Variants in ANKS1B observed in about 807,000 individuals in gnomAD.
ANKS1B encodes ankyrin repeat and sterile alpha motif domain containing 1B, also known as ankyrin repeat and sterile alpha motif domain-containing protein 1B.
In ANKS1B, 36 loss-of-function variants were observed where a neutral mutation model predicts 148.3. The observed-to-expected ratio is 0.24, with a 90% confidence interval of 0.19 to 0.32. The LOEUF (loss-of-function observed/expected upper bound fraction) is 0.32. Ranked by LOEUF, ANKS1B falls within the 10% of genes least tolerant of loss-of-function variation. The pLI is 1.00. For missense variants in ANKS1B, 1,157 were observed against 1,542.6 expected, an observed-to-expected ratio of 0.75 and a Z score of 4.19; for synonymous variants, 542 against 560.8, an observed-to-expected ratio of 0.97 and a Z score of 0.47.
intron 17 of ANKS1B, among the ~76,000 whole-genome samples, chr12:98,971,325 C>G (rs1340412560): frequency 2.0e-5 from 3 of 152,064 alleles, no homozygotes; most frequent in Admixed American, 6.6e-5. Context: ...TTTGTTAAAG[C>G]AACAACAAAA....
chr12:99,704,687 T>C lies in ANKS1B; in HGVS notation c.1129-49477A>G, dbSNP rs1021015318. ...CAAAATGAGGCTCTCCAGCTTAATA[T>C]TGGCATTCCCAAGCCAGGTCAAGAA... On this transcript the variant is annotated intron_variant, in intron 8 of 26. Transcript: ENST00000683438. Among the ~76,000 whole-genome samples, 7 of 152,126 alleles carry C rather than the reference T, an allele frequency of 4.6e-5. No homozygotes were observed. In the South Asian group the frequency reaches 8.3e-4, roughly 18 times the overall value.
chr12:99,177,714 G>T (rs1422303883), intron 14 of ANKS1B, among the ~76,000 whole-genome samples: 2 of 152,174 alleles, frequency 1.3e-5, no homozygotes, highest in Non-Finnish European at 2.9e-5. Context: ...GGGCAATAAT[G>T]GCAATAATGC....
chr12:98,955,803 T>C (rs1358812336), intron 17 of ANKS1B, among the ~76,000 whole-genome samples: 1 of 152,206 alleles, frequency 6.6e-6, no homozygotes, highest in Non-Finnish European at 1.5e-5. Flanking sequence ...GGAACTTAGC[T>C]TTGGCAATGT....
chr12:99,972,231 C>T (rs906936034), intron 1 of ANKS1B, among the ~76,000 whole-genome samples: 5 of 152,100 alleles, frequency 3.3e-5, no homozygotes, highest in Admixed American at 6.6e-5. Context: ...AAGAGTCACA[C>T]GTTTCTCACT....
intron 17 of ANKS1B, among the ~76,000 whole-genome samples, chr12:99,043,964 C>T (rs2153502204): frequency 6.6e-6 from 1 of 152,330 alleles, no homozygotes; most frequent in African/African-American, 2.4e-5. Context: ...TTTCATCTGT[C>T]TTAAGAGAGC....
At chr12:99,629,359 C>T (rs751708355) in intron 9 of ANKS1B, among the ~76,000 whole-genome samples, 4 of 151,878 alleles carry the variant, frequency 2.6e-5, no homozygotes, top group Admixed American at 6.6e-5. Flanking sequence ...TCTTCACATA[C>T]GAGAAAAAAA....
chr12:99,594,559 G>A (rs2097737389), intron 9 of ANKS1B, among the ~76,000 whole-genome samples: 1 of 151,894 alleles, frequency 6.6e-6, no homozygotes, highest in African/African-American at 2.4e-5. Context: ...AGTAAATCCT[G>A]CAATATGTGA....
At chr12:98,774,954 C>T (rs974664011) in intron 24 of ANKS1B, among the ~76,000 whole-genome samples, 4 of 152,176 alleles carry the variant, frequency 2.6e-5, no homozygotes, top group Non-Finnish European at 5.9e-5. Flanking sequence ...AGGTGATGAT[C>T]CTCTTCTGGC....
intron 12 of ANKS1B, among the ~76,000 whole-genome samples, chr12:99,295,798 C>T (rs759234957): frequency 3.4e-4 from 51 of 152,236 alleles, no homozygotes; most frequent in Non-Finnish European, 2.8e-4. Flanking sequence ...TGTACTGTTC[C>T]CCTCTATGAG....
intron 12 of ANKS1B, among the ~76,000 whole-genome samples, chr12:99,285,241 C>T (rs1288476178): frequency 6.6e-6 from 1 of 152,114 alleles, no homozygotes; most frequent in African/African-American, 2.4e-5. Context: ...GTCTAGCTGC[C>T]TTTACTCAGC....
chr12:98,810,277 C>T (rs556829767), intron 19 of ANKS1B, among the ~76,000 whole-genome samples: 84 of 152,334 alleles, frequency 5.5e-4, no homozygotes, highest in African/African-American at 1.9e-3. Flanking sequence ...GCCCTTCTGA[C>T]GAACAGGGCT....
At chr12:99,344,692 T>A (rs1223594359) in intron 12 of ANKS1B, among the ~76,000 whole-genome samples, 2 of 152,100 alleles carry the variant, frequency 1.3e-5, no homozygotes, top group Non-Finnish European at 2.9e-5. Context: ...GGTGATTTTC[T>A]ATGCATAACA....
chr12:99,743,724 A>G (rs777346516), intron 8 of ANKS1B, among the ~76,000 whole-genome samples: 1 of 152,196 alleles, frequency 6.6e-6, no homozygotes, highest in Non-Finnish European at 1.5e-5. Context: ...TAATAACACT[A>G]CAATAACTAA....
At chr12:98,781,949 G>A (rs2098741253) in intron 23 of ANKS1B, among the ~76,000 whole-genome samples, 177 bp downstream of exon 23, 2 of 152,338 alleles carry the variant, frequency 1.3e-5, no homozygotes, top group South Asian at 4.1e-4. Flanking sequence ...CTGGCTGAAT[G>A]TGCTTAGAGT....
chr12:99,760,489 A>G (rs2061984330), intron 8 of ANKS1B, among the ~76,000 whole-genome samples: 1 of 151,852 alleles, frequency 6.6e-6, no homozygotes, highest in Non-Finnish European at 1.5e-5. Flanking sequence ...TATCAAAAAA[A>G]TCTTTGAAAT....
intron 14 of ANKS1B, among the ~76,000 whole-genome samples, chr12:99,194,560 T>C (rs1421382991): frequency 2.0e-5 from 3 of 152,102 alleles, no homozygotes; most frequent in Admixed American, 1.3e-4. Flanking sequence ...AAAAAAGAAA[T>C]GGATATTAAA....
At chr12:98,968,178 AG>A (rs909468279) in intron 17 of ANKS1B, among the ~76,000 whole-genome samples, 34 of 152,258 alleles carry the variant, frequency 2.2e-4, no homozygotes, top group African/African-American at 8.2e-4. Context: ...ATCTTTCATA[AG>A]AAAAACTCCC....
At chr12:98,802,800 T>C (rs1226214299) in intron 20 of ANKS1B, among the ~76,000 whole-genome samples, 2 of 151,996 alleles carry the variant, frequency 1.3e-5, no homozygotes, top group East Asian at 3.9e-4. Context: ...CTCTCCACAT[T>C]AGTTTTGTTT....
At chr12:98,873,791 T>C (rs2152420895) in intron 17 of ANKS1B, among the ~76,000 whole-genome samples, 1 of 152,304 alleles carries the variant, frequency 6.6e-6, no homozygotes, top group East Asian at 1.9e-4. Flanking sequence ...ATCACTTTAC[T>C]TGCCAATAAA....
Sources: allele counts gnomAD v4.1 joint callset (sites outside exome capture counted in the v4.1 genomes callset), GRCh38; gene constraint gnomAD v4.1.1; transcripts MANE v1.5; gene names NCBI Gene and HGNC (gene_info 2026-07-23, HGNC 2026-07-21).